Variants in ART3 observed in about 807,000 individuals in gnomAD.
ART3 encodes the protein ecto-ADP-ribosyltransferase 3.
In ART3, 49 loss-of-function variants were observed where a neutral mutation model predicts 48.5. The observed-to-expected ratio is 1.01, with a 90% CI of 0.80 to 1.28. ART3 has a LOEUF of 1.28. ART3 is among the 50% of genes most tolerant of loss of function. The pLI, the probability that ART3 is intolerant of heterozygous loss-of-function variation, is 0.00. For synonymous variants in ART3, 145 were observed against 157.2 expected (o/e 0.92, Z 0.58); for missense variants, 438 against 454.3 (o/e 0.96, Z 0.33).
In ART3 at chr4:76,104,517, T is replaced by C. The variant is rs189383403; in HGVS notation, c.971-80T>C. On this transcript the variant is annotated intron_variant, in intron 9 of 11. Transcript: ENST00000355810. ...TTGGGGCCTTGGGTGCTTGCATCTC[T>C]TAAGCTCAGCAGACAAGAGTTTGAA... 131 of 1,548,776 alleles carry C rather than the reference T, an allele frequency of 8.5e-5. 1 individual carries two copies. The East Asian group carries it at 2.9e-3, about 35-fold the overall frequency.
chr4:76,059,372 CT>C lies in ART3; in HGVS notation c.-9-16499del, dbSNP rs1024502570. Among the ~76,000 whole-genome samples the C allele has an allele frequency of 6.0e-4, 55 of 91,608 alleles. 2 individuals carry two copies. In the South Asian group the frequency reaches 0.012, roughly 20 times the overall value. The allele number at this position is 91,608 out of a possible 152,430, so 60.1% of individuals were successfully genotyped here. On this transcript the variant is annotated intron_variant, in intron 1 of 9. Coordinates refer to the ART3 transcript ENST00000341029. ...TCGTTATTTTCTCTTGTTTTTTTTTCTTTTTTTTTTCCTGAGCTTTATTTGC... is the reference window on the plus strand; with the variant it reads ...TCGTTATTTTCTCTTGTTTTTTTTTCTTTTTTTTTCCTGAGCTTTATTTGC...
chr4:76,062,456 G>A lies in ART3; in HGVS notation c.-9-13425G>A, dbSNP rs1008520546. Among the ~76,000 whole-genome samples, 7 of 150,822 alleles carry A rather than the reference G, an allele frequency of 4.6e-5. 1 individual carries two copies. Among genetic ancestry groups the A allele is most frequent in the African/African-American group, 1.7e-4 (7 of 40,982 alleles). ...AGTTAATAAAGGCTAGCTATTAGTTGTTATAAATTATCGTTATTGCTAAGC... is the reference window on the plus strand; with the variant it reads ...AGTTAATAAAGGCTAGCTATTAGTTATTATAAATTATCGTTATTGCTAAGC... On this transcript the variant is annotated intron_variant, in intron 1 of 9. Coordinates refer to the ART3 transcript ENST00000341029.
At chr4:76,045,591 T>C (rs1422688742) in intron 1 of ART3, among the ~76,000 whole-genome samples, 1 of 152,054 alleles carries the variant, frequency 6.6e-6, no homozygotes, top group Non-Finnish European at 1.5e-5. Context: ...CCCACGAGTC[T>C]AAGGACTCCA....
chr4:76,073,617 A>T (rs1578418351), upstream of ART3, among the ~76,000 whole-genome samples: 1 of 152,226 alleles, frequency 6.6e-6, no homozygotes, highest in Non-Finnish European at 1.5e-5. Flanking sequence ...CTGAATTTTC[A>T]CAAACTGAAT....
intron 1 of ART3, among the ~76,000 whole-genome samples, chr4:76,025,617 G>T (rs1203611618): frequency 5.3e-5 from 8 of 151,756 alleles, no homozygotes; most frequent in African/African-American, 2.4e-5. Flanking sequence ...GATTATTTTT[G>T]CCTGTTCTAG....
intron 1 of ART3, chr4:76,021,759 C>A (rs902101671): frequency 4.3e-5 from 30 of 694,866 alleles, no homozygotes; most frequent in African/African-American, 3.7e-4. Flanking sequence ...AACCTTCCTA[C>A]AGGAGTAGTA....
At chr4:76,052,689 C>T (rs1736228766) in intron 1 of ART3, among the ~76,000 whole-genome samples, 1 of 150,802 alleles carries the variant, frequency 6.6e-6, no homozygotes. Flanking sequence ...TAAGTGAGAA[C>T]ATGCGTGTAC....
At chr4:76,035,565 A>G (rs1445919467) in intron 1 of ART3, among the ~76,000 whole-genome samples, 1 of 152,254 alleles carries the variant, frequency 6.6e-6, no homozygotes, top group Non-Finnish European at 1.5e-5. Context: ...GCATGAAGGA[A>G]GTTTATTGGA....
intron 2 of ART3, 147 bp from the exon 3 acceptor site, chr4:76,081,677 C>A: frequency 1.4e-6 from 1 of 712,616 alleles, no homozygotes. Flanking sequence ...ATGGAATATA[C>A]TTCCTGCATA....
chr4:76,082,470 G>A lies in ART3; in HGVS notation c.716G>A (p.Gly239Asp), dbSNP rs757129790. 5.0e-6 allele frequency: 8 copies of A among 1,612,280 alleles called. No homozygotes were observed. The highest frequency in any genetic ancestry group is 6.8e-6 in the Non-Finnish European group (8 of 1,179,514). The change falls in exon 3 of 12, where the codon GGC (glycine) becomes GAC (aspartate). Residue 239 changes from glycine to aspartate, a missense_variant. Physicochemically the swap from Gly to Asp is moderately conservative, Grantham distance 94. Coordinates refer to ENST00000355810, the MANE Select transcript of ART3 (RefSeq NM_001130016.3). Reference protein sequence around the residue: ...EVFQVSQEGAGNNLILQSINK... With the variant: ...EVFQVSQEGADNNLILQSINK... ...TTTCAAGTGTCACAGGAGGGGGCTG[G>A]CAATAACCTTATCCTTCAAAGCATA...
chr4:76,028,747 C>G (rs1733631120), intron 1 of ART3, among the ~76,000 whole-genome samples: 1 of 152,200 alleles, frequency 6.6e-6, no homozygotes, highest in Non-Finnish European at 1.5e-5. Context: ...TTTTCAATTA[C>G]CCATGTGTCT....
intron 1 of ART3, among the ~76,000 whole-genome samples, chr4:76,065,191 C>T (rs1719609270): frequency 6.6e-6 from 1 of 152,166 alleles, no homozygotes; most frequent in African/African-American, 2.4e-5. Flanking sequence ...AGGTGCACTT[C>T]TTAACACCAC....
intron 11 of ART3, among the ~76,000 whole-genome samples, chr4:76,111,540 A>AGTTT (rs1578648471): frequency 7.8e-6 from 1 of 128,676 alleles, no homozygotes; most frequent in Non-Finnish European, 1.6e-5. Context: ...GTAAAAATAC[A>AGTTT]GTTTATTTAT....
intron 1 of ART3, among the ~76,000 whole-genome samples, chr4:76,048,685 T>G (rs1735749048): frequency 6.6e-6 from 1 of 151,904 alleles, no homozygotes; most frequent in Non-Finnish European, 1.5e-5. Context: ...AAACACTAGT[T>G]TTCCTCCCAG....
chr4:76,106,398 G>A (rs1412709561), intron 10 of ART3: 1 of 980,028 alleles, frequency 1.0e-6, no homozygotes, highest in Non-Finnish European at 1.2e-6. Context: ...AGTTAGGACA[G>A]ATTTATTTTA....
intron 4 of ART3, 31 bp from the exon 5 acceptor site, chr4:76,098,924 A>G: frequency 6.3e-7 from 1 of 1,575,504 alleles, no homozygotes; most frequent in Admixed American, 1.7e-5. Context: ...TGAGCATAGT[A>G]CCATGTAATG....
At chr4:76,057,184 G>A (rs957950203) in intron 1 of ART3, among the ~76,000 whole-genome samples, 11 of 152,124 alleles carry the variant, frequency 7.2e-5, no homozygotes, top group African/African-American at 2.7e-4. Context: ...TATTAGTGAT[G>A]TTTACCTTGA....
chr4:76,045,777 G>A (rs1228851548), intron 1 of ART3, among the ~76,000 whole-genome samples: 2 of 151,974 alleles, frequency 1.3e-5, no homozygotes, highest in African/African-American at 2.4e-5. Flanking sequence ...AGAGTATAGA[G>A]GGGCCTGGCT....
chr4:76,086,248 G>C (rs1047895319), intron 3 of ART3, among the ~76,000 whole-genome samples: 6 of 152,088 alleles, frequency 3.9e-5, no homozygotes, highest in African/African-American at 1.4e-4. Context: ...AGCAGACAAG[G>C]GGGTAAGGAA....
Sources: allele counts gnomAD v4.1 joint callset (sites outside exome capture counted in the v4.1 genomes callset), GRCh38; gene constraint gnomAD v4.1.1; transcripts MANE v1.5; gene names NCBI Gene and HGNC (gene_info 2026-07-23, HGNC 2026-07-21).